The following MEI4 variants were observed in gnomAD, a reference collection of about 807,000 sequenced individuals.
The protein encoded by MEI4 is meiosis-specific protein MEI4.
Under a neutral mutation model 31.4 loss-of-function variants are expected in MEI4, and 27 were observed. That is an observed-to-expected ratio of 0.86 (90% CI 0.63 to 1.19). The LOEUF is 1.19. Among genes scored for constraint, MEI4 ranks in the 50% most tolerant of loss-of-function variants. The pLI is 0.00. For missense variants in MEI4, 329 were observed against 398.9 expected, an observed-to-expected ratio of 0.82 and a Z score of 1.49; for synonymous variants, 122 against 145.4, an observed-to-expected ratio of 0.84 and a Z score of 1.16.
chr6:77,746,882 G>T (rs1475430814), intron 2 of MEI4, among the ~76,000 whole-genome samples: 1 of 151,974 alleles, frequency 6.6e-6, no homozygotes, highest in African/African-American at 2.4e-5. Context: ...CATAAATTGT[G>T]TATTTTTATG....
chr6:77,815,002 C>A (rs745802063), intron 3 of MEI4, among the ~76,000 whole-genome samples: 13 of 152,034 alleles, frequency 8.6e-5, no homozygotes, highest in Non-Finnish European at 2.9e-5. Context: ...CCAAATAGTG[C>A]GAGCTCATTT....
At chr6:77,832,814 T>G (rs1244309889) in intron 4 of MEI4, among the ~76,000 whole-genome samples, 1 of 152,144 alleles carries the variant, frequency 6.6e-6, no homozygotes, top group East Asian at 1.9e-4. Context: ...TAACACCATT[T>G]TATATTAATT....
intron 4 of MEI4, among the ~76,000 whole-genome samples, chr6:77,904,078 G>C (rs1188034126): frequency 6.6e-6 from 1 of 152,018 alleles, no homozygotes; most frequent in Non-Finnish European, 1.5e-5. Context: ...TAAGAACTTA[G>C]TACTGTGGTT....
At chr6:77,732,059 T>C (rs201589798) in intron 2 of MEI4, among the ~76,000 whole-genome samples, 20,895 of 147,682 alleles carry the variant, frequency 0.14, 1,823 homozygotes, top group East Asian at 0.38. Flanking sequence ...AGTCAGGTAG[T>C]GTGATGCCTC....
At chr6:77,837,460 C>A (rs899042983) in intron 4 of MEI4, among the ~76,000 whole-genome samples, 3 of 152,164 alleles carry the variant, frequency 2.0e-5, no homozygotes, top group Admixed American at 6.6e-5. Flanking sequence ...AAGAAGGAGA[C>A]AGACCCAGAC....
chr6:77,803,576 C>T (rs1769338684), intron 3 of MEI4, among the ~76,000 whole-genome samples: 1 of 152,172 alleles, frequency 6.6e-6, no homozygotes, highest in Non-Finnish European at 1.5e-5. Context: ...AGTTTTTCTG[C>T]TCTGTTTTTT....
chr6:77,745,474 T>C lies in MEI4; in HGVS notation c.233-15656T>C, dbSNP rs141673182. Among the ~76,000 whole-genome samples the C allele has an allele frequency of 1.4e-3, 213 of 152,312 alleles. 1 individual carries two copies. Among genetic ancestry groups the C allele is most frequent in the African/African-American group, 4.5e-3 (187 of 41,552 alleles). On this transcript the variant is annotated intron_variant, in intron 2 of 4. Transcript: ENST00000684080. ...GGAGCACCCAGATTCATAAAGCAAG[T>C]CTTGAGTAACCTACATAGAGACTTA...
chr6:77,851,936 G>A lies in MEI4; in HGVS notation c.900+22874G>A, dbSNP rs911656729. On this transcript the variant is annotated intron_variant, in intron 4 of 4. Transcript: ENST00000684080. Reference sequence around the variant, plus strand: ...AACTTGCTTATTTGTAAATGAGTCTGGGAAATCATTTAAAAATGAATTGAA... The same window carrying A: ...AACTTGCTTATTTGTAAATGAGTCTAGGAAATCATTTAAAAATGAATTGAA... Among the ~76,000 whole-genome samples, 4 of 151,996 alleles carry A rather than the reference G, an allele frequency of 2.6e-5. No individual in the cohort carries two copies. In the South Asian group the frequency reaches 8.3e-4, roughly 32 times the overall value.
rs1770979522 is a variant in MEI4 at position 77,864,994 on chromosome 6, T to A, written c.900+35932T>A. Among the ~76,000 whole-genome samples the A allele has an allele frequency of 2.0e-5, 3 of 151,950 alleles. No homozygotes were observed. In the South Asian group the frequency reaches 6.2e-4, roughly 32 times the overall value. On this transcript the variant is annotated intron_variant, in intron 4 of 4. Transcript: ENST00000684080. ...TCCTGAATGACTACTGGGTACATAA[T>A]GAAATGAAGGCAGAAGTAAATATGT...
rs566442314 is a variant in MEI4 at position 77,772,460 on chromosome 6, C to T, written c.768+10795C>T. 3.3e-5 allele frequency among the ~76,000 whole-genome samples: 5 copies of T among 151,862 alleles called. No homozygotes were observed. The East Asian group carries it at 9.7e-4, about 29-fold the overall frequency. Reference sequence around the variant, plus strand: ...TACATCATATTATCAGAATGAATGACAAAAAACATGATTATTTCAATTGGT... The same window carrying T: ...TACATCATATTATCAGAATGAATGATAAAAAACATGATTATTTCAATTGGT... On this transcript the variant is annotated intron_variant, in intron 3 of 4. Coordinates refer to ENST00000684080, the MANE Select transcript of MEI4 (RefSeq NM_001322247.2).
Position 77,730,731 on chromosome 6 carries a change from C to T in MEI4, c.233-30399C>T, listed in dbSNP as rs1041333922. ...CATGCTGGTGCGCTGCACCCACTAA[C>T]TCGTCATCTAGCATTAGGTGTATCT... On this transcript the variant is annotated intron_variant, in intron 2 of 4. Coordinates refer to ENST00000684080, the MANE Select transcript of MEI4 (RefSeq NM_001322247.2). 8.2e-4 allele frequency among the ~76,000 whole-genome samples: 125 copies of T among 151,824 alleles called. 1 individual carries two copies. The highest frequency in any genetic ancestry group is 2.9e-3 in the African/African-American group (119 of 41,394).
rs185542591 is a variant in MEI4, at chr6:77,661,860, C to G, written c.-15+8768C>G. Among the ~76,000 whole-genome samples, 564 of 152,178 alleles carry G rather than the reference C, an allele frequency of 3.7e-3. 2 individuals are homozygous for G. Among genetic ancestry groups the G allele is most frequent in the Non-Finnish European group, 6.0e-3 (408 of 68,004 alleles). On this transcript the variant is annotated intron_variant, in intron 1 of 4. Coordinates refer to ENST00000684080, the MANE Select transcript of MEI4 (RefSeq NM_001322247.2). ...ACCAAAGTGAAGGAGAAAAACTGGCCGTGAGGGACAGAAGTTGGAGAGCTA... is the reference window on the plus strand; with the variant it reads ...ACCAAAGTGAAGGAGAAAAACTGGCGGTGAGGGACAGAAGTTGGAGAGCTA...
At chr6:77,853,964 G>C (rs1770691835) in intron 4 of MEI4, among the ~76,000 whole-genome samples, 2 of 152,160 alleles carry the variant, frequency 1.3e-5, no homozygotes, top group Admixed American at 1.3e-4. Flanking sequence ...TGACAGTTAT[G>C]AATCTTGGAG....
At chr6:77,694,720 C>T (rs181438312) in intron 2 of MEI4, among the ~76,000 whole-genome samples, 1 of 152,242 alleles carries the variant, frequency 6.6e-6, no homozygotes, top group African/African-American at 2.4e-5. Context: ...CCTCAATAAA[C>T]ATACGTGTGC....
chr6:77,906,074 A>G (rs911132187), intron 4 of MEI4, among the ~76,000 whole-genome samples: 1 of 151,878 alleles, frequency 6.6e-6, no homozygotes, highest in South Asian at 2.1e-4. Context: ...TCATTTTTTA[A>G]TTGTTATCCC....
chr6:77,815,389 A>G (rs545886686), intron 3 of MEI4, among the ~76,000 whole-genome samples: 1 of 152,142 alleles, frequency 6.6e-6, no homozygotes, highest in Non-Finnish European at 1.5e-5. Context: ...GTTCCTGGTC[A>G]TTAAAGGGCA....
chr6:77,718,507 AGCC>A (rs1231072102), intron 2 of MEI4, among the ~76,000 whole-genome samples: 3 of 148,486 alleles, frequency 2.0e-5, no homozygotes, highest in Non-Finnish European at 4.5e-5. Context: ...CTGCTACAGC[AGCC>A]GTAGCTGTGA....
At chr6:77,746,873 A>G (rs1332842325) in intron 2 of MEI4, among the ~76,000 whole-genome samples, 2 of 152,236 alleles carry the variant, frequency 1.3e-5, no homozygotes, top group Non-Finnish European at 2.9e-5. Flanking sequence ...TAGGGCAAAC[A>G]TAAATTGTGT....
intron 1 of MEI4, among the ~76,000 whole-genome samples, chr6:77,675,900 C>T (rs1352783337): frequency 6.6e-6 from 1 of 152,178 alleles, no homozygotes; most frequent in Non-Finnish European, 1.5e-5. Context: ...TGTTTCATTG[C>T]TATGGCTGTT....
Sources: allele counts gnomAD v4.1 joint callset (sites outside exome capture counted in the v4.1 genomes callset), GRCh38; gene constraint gnomAD v4.1.1; transcripts MANE v1.5; gene names NCBI Gene and HGNC (gene_info 2026-07-23, HGNC 2026-07-21).